Variants in PPP2R2C observed in about 807,000 individuals in gnomAD.
PPP2R2C encodes protein phosphatase 2, regulatory subunit B, gamma.
Under a neutral mutation model 45.3 loss-of-function variants are expected in PPP2R2C, and 10 were observed. The observed-to-expected ratio is 0.22, with a 90% CI of 0.14 to 0.37. The LOEUF is 0.37. PPP2R2C is among the 10% of genes least tolerant of loss of function. The pLI is 1.00. For synonymous variants in PPP2R2C, 257 were observed against 245.4 expected (o/e 1.05, Z -0.44); for missense variants, 308 against 619.7 (o/e 0.50, Z 5.34).
At chr4:6,520,590 G>C (rs565427831) in intron 2 of PPP2R2C, among the ~76,000 whole-genome samples, 1 of 152,248 alleles carries the variant, frequency 6.6e-6, no homozygotes, top group Non-Finnish European at 1.5e-5. Context: ...TGGCAGCCCT[G>C]TGTGATTCAA....
intron 1 of PPP2R2C, among the ~76,000 whole-genome samples, chr4:6,436,238 A>G (rs1719887520): frequency 6.6e-6 from 1 of 152,266 alleles, no homozygotes; most frequent in South Asian, 2.1e-4. Flanking sequence ...ATTCTGCTAT[A>G]GCAGCATGAA....
In PPP2R2C at chr4:6,556,113, C is replaced by A. The variant is rs189419321; in HGVS notation, c.-59+7447G>T. On this transcript the variant is annotated intron_variant, in intron 1 of 9. Transcript: ENST00000506140. ...CTCTGGGGAGCATCCGCATGGGGCA[C>A]GTGGGGGTTCATTCCATGTGTCAAC... Among the ~76,000 whole-genome samples the A allele has an allele frequency of 9.6e-4, 146 of 152,248 alleles. 1 individual carries two copies. The highest frequency in any genetic ancestry group is 3.3e-3 in the African/African-American group (139 of 41,556).
At chr4:6,410,398 G>A (rs929163696) in intron 1 of PPP2R2C, among the ~76,000 whole-genome samples, 8 of 152,192 alleles carry the variant, frequency 5.3e-5, no homozygotes, top group African/African-American at 9.7e-5. Flanking sequence ...TGGTGGCCAC[G>A]AGTGAGTAAC....
At position 6,493,650 on chromosome 4, in the gene PPP2R2C, C is replaced by T. The variant is rs560296106; in HGVS notation, c.49+41621G>A. ...CCAGTGCCTTCCTGAAGGAGAAGCC[C>T]GTGTCTGTAGCCAGCTCTCCACACC... On this transcript the variant is annotated intron_variant, in intron 2 of 9. Coordinates refer to the PPP2R2C transcript ENST00000506140. Among the ~76,000 whole-genome samples, 46 of 151,798 alleles carry T rather than the reference C, an allele frequency of 3.0e-4. No individual in the cohort carries two copies. In the South Asian group the frequency reaches 8.2e-3, roughly 27 times the overall value.
intron 2 of PPP2R2C, among the ~76,000 whole-genome samples, chr4:6,488,647 G>A (rs1448696214): frequency 6.6e-6 from 1 of 151,998 alleles, no homozygotes; most frequent in African/African-American, 2.4e-5. Flanking sequence ...TTACACCACT[G>A]CACTCTAGCC....
rs372036356 is a variant in PPP2R2C, at chr4:6,375,816, C to T, written c.447+3G>A. ...TGCCTGCTTCCCCCTCACCGGAGCT[C>T]ACCTGCAGTGACGTCACCGTGGACA... On this transcript the variant is annotated splice_donor_region_variant and intron_variant, in intron 4 of 8. Transcript: ENST00000382599. 1.9e-6 allele frequency: 3 copies of T among 1,608,400 alleles called. No homozygotes were observed. The African/African-American group carries it at 4.0e-5, about 22-fold the overall frequency.
chr4:6,354,327 C>A (rs1456838367), intron 5 of PPP2R2C, among the ~76,000 whole-genome samples: 1 of 152,082 alleles, frequency 6.6e-6, no homozygotes. Context: ...CCAGCCATAT[C>A]CAGCAGTTCG....
rs748160603 is a variant in PPP2R2C, at chr4:6,329,518, A to G, written c.961-165T>C. Among the ~76,000 whole-genome samples, 8 of 152,148 alleles carry G rather than the reference A, an allele frequency of 5.3e-5. No individual in the cohort carries two copies. Among genetic ancestry groups the G allele is most frequent in the Non-Finnish European group, 8.8e-5 (6 of 68,024 alleles). On this transcript the variant is annotated intron_variant, in intron 7 of 8. Transcript: ENST00000382599. This position sits in a 1 kb window ranked among gnomAD's most constrained non-coding sequence, Gnocchi z 5.8. ...TGAATGCTCTGACACAGCCCGACAC[A>G]GCCCTGCTCATCTCATCGGGAGGCC... is the stretch of plus-strand genomic sequence containing the variant.
At chr4:6,374,606 C>T (rs1015132502) in intron 4 of PPP2R2C, among the ~76,000 whole-genome samples, 2 of 152,174 alleles carry the variant, frequency 1.3e-5, no homozygotes, top group Admixed American at 1.3e-4. Context: ...TGGGAGTTCA[C>T]CAAATTGACA....
chr4:6,350,210 T>G (rs1712413981), intron 5 of PPP2R2C: 2 of 985,480 alleles, frequency 2.0e-6, no homozygotes, highest in Admixed American at 1.2e-4. Context: ...GCCCTCCTCC[T>G]GCCATGCTGA....
In PPP2R2C at chr4:6,459,109, T is replaced by C. The variant is rs78438113; in HGVS notation, c.70+13051A>G. On this transcript the variant is annotated intron_variant, in intron 1 of 8. Transcript: ENST00000382599. ...ATGGCTTCAAGCAGAAACCATTTAT[T>C]TGGTTCATGAATCTGCAGTTTGGGT... 8.8e-3 allele frequency among the ~76,000 whole-genome samples: 1,336 copies of C among 152,314 alleles called. 12 individuals carry two copies. Among genetic ancestry groups the C allele is most frequent in the Non-Finnish European group, 0.014 (931 of 68,018 alleles).
rs1393734937 is a variant in PPP2R2C at position 6,330,779 on chromosome 4, G to T, written c.961-1426C>A. Among the ~76,000 whole-genome samples the T allele has an allele frequency of 6.6e-6, 1 of 152,188 alleles. No individual in the cohort carries two copies. Among genetic ancestry groups the T allele is most frequent in the African/African-American group, 2.4e-5 (1 of 41,440 alleles). On this transcript the variant is annotated intron_variant, in intron 7 of 8. Transcript: ENST00000382599. This position sits in a 1 kb window ranked among gnomAD's most constrained non-coding sequence, Gnocchi z 7.0. ...GGAAAACAGAGTGGCACTAGGGGAA[G>T]CAGGATTGGGAGGAAGGGCCTGCTA...
intron 1 of PPP2R2C, among the ~76,000 whole-genome samples, chr4:6,447,528 C>A (rs1256708123): frequency 1.5e-5 from 2 of 134,422 alleles, no homozygotes; most frequent in Non-Finnish European, 3.2e-5. Context: ...CCCACCCCCA[C>A]CCCCACCCCA....
chr4:6,538,064 C>T (rs755564246), intron 1 of PPP2R2C, among the ~76,000 whole-genome samples: 14 of 151,882 alleles, frequency 9.2e-5, no homozygotes, highest in Non-Finnish European at 1.6e-4. Flanking sequence ...AGGAATGTAC[C>T]GGATGCTACT....
chr4:6,335,580 AG>A (rs1267669048), intron 6 of PPP2R2C, among the ~76,000 whole-genome samples: 4 of 152,230 alleles, frequency 2.6e-5, no homozygotes, highest in Admixed American at 6.5e-5. Flanking sequence ...GTTCAGAGAC[AG>A]GGAGGATGAA....
chr4:6,501,889 T>G (rs553752904), intron 2 of PPP2R2C, among the ~76,000 whole-genome samples: 1 of 152,340 alleles, frequency 6.6e-6, no homozygotes, highest in South Asian at 2.1e-4. Context: ...CTTTGTCTTT[T>G]TGGTCCCAGA....
chr4:6,521,621 G>A (rs895826014), intron 2 of PPP2R2C, among the ~76,000 whole-genome samples: 5 of 152,038 alleles, frequency 3.3e-5, no homozygotes, highest in Non-Finnish European at 5.9e-5. Flanking sequence ...CCCCTCCAGG[G>A]CCCTCCTCTC....
intron 1 of PPP2R2C, among the ~76,000 whole-genome samples, chr4:6,424,359 T>G (rs1411708716): frequency 2.0e-5 from 3 of 152,196 alleles, no homozygotes; most frequent in Admixed American, 6.5e-5. Flanking sequence ...AGAATGGTCT[T>G]TAAATCTTAT....
chr4:6,383,385 C>G, intron 1 of PPP2R2C: 1 of 1,289,862 alleles, frequency 7.8e-7, no homozygotes, highest in Non-Finnish European at 1.0e-6. Context: ...GTGTTTTTAA[C>G]TCAGCAAAAG....
Sources: gnomAD v4.1 joint callset for allele counts (sites outside exome capture counted in the v4.1 genomes callset) on GRCh38, gnomAD v4.1.1 for gene constraint, Gnocchi (gnomAD v3.1) non-coding constraint, MANE v1.5 for transcripts, NCBI Gene and HGNC (gene_info 2026-07-23, HGNC 2026-07-21) for gene names.